Variants in WDR7 observed in about 807,000 individuals in gnomAD.
WDR7 encodes WD repeat domain 7.
A neutral mutation model predicts 169.4 loss-of-function variants in WDR7; 46 were observed. The ratio of observed to expected loss-of-function variants is 0.27; its 90% confidence interval spans 0.21 to 0.35. The LOEUF (loss-of-function observed/expected upper bound fraction) is 0.35. Among genes scored for constraint, WDR7 ranks in the 10% least tolerant of loss-of-function variants. The pLI is 1.00. For missense variants in WDR7, 1,534 were observed against 1,859.3 expected, an observed-to-expected ratio of 0.83 and a Z score of 3.22; for synonymous variants, 612 against 666.8, an observed-to-expected ratio of 0.92 and a Z score of 1.27.
At chr18:56,980,685 G>T (rs557617375) in intron 26 of WDR7, among the ~76,000 whole-genome samples, 1 of 152,362 alleles carries the variant, frequency 6.6e-6, no homozygotes, top group South Asian at 2.1e-4. Context: ...TTGTAAGAAA[G>T]TGACATCTAA....
intron 16 of WDR7, among the ~76,000 whole-genome samples, chr18:56,769,406 C>G (rs1286626621): frequency 6.6e-6 from 1 of 152,084 alleles, no homozygotes; most frequent in African/African-American, 2.4e-5. Flanking sequence ...ACCATATTGC[C>G]CAGGCTGGTT....
At chr18:56,874,316 C>T (rs993911487) in intron 20 of WDR7, among the ~76,000 whole-genome samples, 1 of 151,254 alleles carries the variant, frequency 6.6e-6, no homozygotes, top group Non-Finnish European at 1.5e-5. Context: ...TGGTTTTTTT[C>T]CCCCTTTAGT....
intron 20 of WDR7, among the ~76,000 whole-genome samples, chr18:56,816,360 T>A (rs545837061): frequency 6.6e-6 from 1 of 152,278 alleles, no homozygotes; most frequent in Non-Finnish European, 1.5e-5. Flanking sequence ...TCATTGTAGT[T>A]CTAACAATAA....
At chr18:56,693,153 A>T (rs1412053669) in intron 9 of WDR7, among the ~76,000 whole-genome samples, 2 of 152,224 alleles carry the variant, frequency 1.3e-5, no homozygotes, top group African/African-American at 4.8e-5. Context: ...TTAGCTGTTA[A>T]TTACTGTATT....
intron 25 of WDR7, among the ~76,000 whole-genome samples, chr18:56,954,847 A>T (rs541448408): frequency 3.9e-5 from 6 of 152,278 alleles, no homozygotes; most frequent in African/African-American, 1.4e-4. Context: ...CTGAATGAAA[A>T]AACTAATCTA....
intron 2 of WDR7, among the ~76,000 whole-genome samples, chr18:56,678,418 G>A (rs190149512): frequency 1.3e-5 from 2 of 152,142 alleles, no homozygotes; most frequent in Non-Finnish European, 2.9e-5. Context: ...TCCTTCTTGG[G>A]AAGGCTTTCC....
intron 20 of WDR7, among the ~76,000 whole-genome samples, chr18:56,827,536 G>A (rs1281790852): frequency 6.6e-6 from 1 of 152,016 alleles, no homozygotes; most frequent in East Asian, 1.9e-4. Context: ...GTAGAAGGAG[G>A]GTAGAGAGCC....
chr18:56,754,238 T>C (rs1270054732), intron 14 of WDR7, among the ~76,000 whole-genome samples: 1 of 140,182 alleles, frequency 7.1e-6, no homozygotes, highest in Non-Finnish European at 1.6e-5. Context: ...TTGGAGGATG[T>C]TTTGTGCTTT....
At position 56,860,368 on chromosome 18, in the gene WDR7, A is replaced by C. The variant is rs142800751; in HGVS notation, c.3305-19576A>C. ...AAATGTGAAAAAAGAACCATAGCTCATCCCAGCTAAAGCAAAATGGTTCAG... is the reference window on the plus strand; with the variant it reads ...AAATGTGAAAAAAGAACCATAGCTCCTCCCAGCTAAAGCAAAATGGTTCAG... On this transcript the variant is annotated intron_variant, in intron 20 of 27. Coordinates refer to ENST00000254442, the MANE Select transcript of WDR7 (RefSeq NM_015285.3). Among the ~76,000 whole-genome samples the C allele has an allele frequency of 8.0e-3, 1,214 of 152,312 alleles. 16 individuals are homozygous for C. Among genetic ancestry groups the C allele is most frequent in the African/African-American group, 0.028 (1,158 of 41,588 alleles).
At chr18:56,695,986 G>A (rs899788018) in intron 11 of WDR7, among the ~76,000 whole-genome samples, 1 of 151,972 alleles carries the variant, frequency 6.6e-6, no homozygotes, top group African/African-American at 2.4e-5. Context: ...TAGGTTTTTT[G>A]TATCAACTCT....
chr18:56,691,365 T>A lies in WDR7; in HGVS notation c.863+4T>A, dbSNP rs1023212905. The A allele has an allele frequency of 1.9e-6, 3 of 1,582,302 alleles. No individual in the cohort carries two copies. In the African/African-American group the frequency reaches 4.1e-5, roughly 22 times the overall value. ...ATATTTACAAACTACCTGCCAGGTA[T>A]GCAGCAAGTAATAAATTAGGACAGT... is the stretch of plus-strand genomic sequence containing the variant. On this transcript the variant is annotated splice_donor_region_variant and intron_variant, in intron 8 of 27. Coordinates refer to ENST00000254442, the MANE Select transcript of WDR7 (RefSeq NM_015285.3).
intron 1 of WDR7, among the ~76,000 whole-genome samples, chr18:56,663,551 A>ATGTG (rs1293757817): frequency 5.3e-5 from 8 of 152,276 alleles, no homozygotes; most frequent in African/African-American, 1.9e-4. Flanking sequence ...GTGGTTCTAC[A>ATGTG]CACACAAAAT....
At position 56,974,743 on chromosome 18, in the gene WDR7, A is replaced by G. The variant is rs74604995; in HGVS notation, c.4164+12214A>G. Among the ~76,000 whole-genome samples, 303 of 152,344 alleles carry G rather than the reference A, an allele frequency of 2.0e-3. 2 individuals carry two copies. The highest frequency in any genetic ancestry group is 6.7e-3 in the African/African-American group (280 of 41,578). ...ATCATACCTTCAGCATATGATATCT[A>G]GAAGTATTGACATGGCACTATGAAA... is the stretch of plus-strand genomic sequence containing the variant. On this transcript the variant is annotated intron_variant, in intron 26 of 27. Coordinates refer to ENST00000254442, the MANE Select transcript of WDR7 (RefSeq NM_015285.3).
intron 12 of WDR7, among the ~76,000 whole-genome samples, chr18:56,705,958 A>C (rs1598976913): frequency 6.6e-6 from 1 of 152,230 alleles, no homozygotes; most frequent in East Asian, 1.9e-4. Context: ...AGATTGCGCC[A>C]CTGTACTCCA....
chr18:57,035,877 C>A, the WDR7 span: 1 of 152,132 alleles, frequency 6.6e-6, no homozygotes, highest in Non-Finnish European at 1.5e-5. Flanking sequence ...CAAAAGAAAT[C>A]GAAAATGGAT....
At chr18:56,732,342 C>G (rs1447128661) in intron 14 of WDR7, among the ~76,000 whole-genome samples, 1 of 152,208 alleles carries the variant, frequency 6.6e-6, no homozygotes, top group Non-Finnish European at 1.5e-5. Flanking sequence ...TATTTCATCT[C>G]AATCACTACT....
At chr18:56,824,461 A>G (rs2045161020) in intron 20 of WDR7, among the ~76,000 whole-genome samples, 1 of 152,242 alleles carries the variant, frequency 6.6e-6, no homozygotes. Context: ...GCATCTTCTC[A>G]ATAAATGTTT....
At chr18:56,830,745 C>T (rs1323277290) in intron 20 of WDR7, among the ~76,000 whole-genome samples, 2 of 152,176 alleles carry the variant, frequency 1.3e-5, no homozygotes, top group Non-Finnish European at 2.9e-5. Context: ...CTCGCTCTGT[C>T]GCCCAGGCTG....
chr18:56,986,531 T>C (rs905338065), intron 26 of WDR7, among the ~76,000 whole-genome samples: 4 of 152,156 alleles, frequency 2.6e-5, no homozygotes, highest in African/African-American at 9.6e-5. Context: ...TAAGGATTTT[T>C]AAATTAAAGC....
Sources: allele counts gnomAD v4.1 joint callset (sites outside exome capture counted in the v4.1 genomes callset), GRCh38; gene constraint gnomAD v4.1.1; transcripts MANE v1.5; gene names NCBI Gene and HGNC (gene_info 2026-07-23, HGNC 2026-07-21).